The following PARP11 variants were observed in gnomAD, a reference collection of about 807,000 sequenced individuals.
PARP11 encodes the protein protein mono-ADP-ribosyltransferase PARP11.
Under a neutral mutation model 42.9 loss-of-function variants are expected in PARP11, and 31 were observed. The ratio of observed to expected loss-of-function variants is 0.72; its 90% confidence interval spans 0.54 to 0.98. The LOEUF (loss-of-function observed/expected upper bound fraction) is 0.98, where lower values mean the gene tolerates loss of function less well. PARP11 is among the 50% of genes least tolerant of loss of function. The probability of loss-of-function intolerance (pLI) is 0.00; values close to 1 mark genes in which losing one functional copy is unlikely to be tolerated. For synonymous variants in PARP11, 137 were observed against 127.3 expected (o/e 1.08, Z -0.51); for missense variants, 365 against 413.1 (o/e 0.88, Z 1.01).
chr12:3,873,067 G>A (rs1413439485), intron 1 of PARP11, 145 bp downstream of exon 1: 2 of 813,486 alleles, frequency 2.5e-6, no homozygotes, highest in Non-Finnish European at 4.2e-6. Flanking sequence ...ACAGACTACA[G>A]AAGCCAAAAG....
intron 1 of PARP11, among the ~76,000 whole-genome samples, chr12:3,864,798 C>G (rs948261287): frequency 7.9e-5 from 12 of 152,090 alleles, no homozygotes; most frequent in Non-Finnish European, 1.6e-4. Flanking sequence ...TTCTTTTTCT[C>G]CTGATCTGCT....
At chr12:3,851,056 G>C (rs192892292) in intron 1 of PARP11, among the ~76,000 whole-genome samples, 1 of 152,302 alleles carries the variant, frequency 6.6e-6, no homozygotes, top group East Asian at 1.9e-4. Flanking sequence ...CAAAGATCAT[G>C]ATGAACTGAA....
intron 4 of PARP11, among the ~76,000 whole-genome samples, chr12:3,822,477 T>C (rs1167960857): frequency 6.9e-6 from 1 of 145,916 alleles, no homozygotes; most frequent in Non-Finnish European, 1.5e-5. Context: ...CGGGCGCCTG[T>C]AGTCCCAGCT....
At chr12:3,819,966 T>C (rs1411544628) in intron 6 of PARP11, among the ~76,000 whole-genome samples, 2 of 152,190 alleles carry the variant, frequency 1.3e-5, no homozygotes, top group African/African-American at 4.8e-5. Flanking sequence ...CCCTGATGCC[T>C]GAGATGCCCT....
At chr12:3,838,074 AAC>A (rs895280068) in intron 1 of PARP11, among the ~76,000 whole-genome samples, 1 of 149,246 alleles carries the variant, frequency 6.7e-6, no homozygotes, top group African/African-American at 2.5e-5. Context: ...AAAAACAAAA[AAC>A]ACATCAGATT....
chr12:3,872,689 C>A, intron 1 of PARP11: 4 of 985,112 alleles, frequency 4.1e-6, no homozygotes, highest in Non-Finnish European at 4.8e-6. Flanking sequence ...CAAGGGGGTC[C>A]CAATTCCCTT....
intron 1 of PARP11, among the ~76,000 whole-genome samples, chr12:3,847,409 A>T (rs1212771860): frequency 3.3e-5 from 5 of 152,190 alleles, no homozygotes; most frequent in African/African-American, 9.6e-5. Context: ...ACATAGATGC[A>T]AAAATCCTCA....
rs1383402150 is a variant in PARP11, at chr12:3,845,015, T to C, written c.19-14997A>G. ...GGCAAAAGTATAGAACTGAGGATCA[T>C]TTGCATTTTTGAGTTGGAAATTATG... On this transcript the variant is annotated intron_variant, in intron 1 of 7. Coordinates refer to ENST00000228820, the MANE Select transcript of PARP11 (RefSeq NM_020367.6). Among the ~76,000 whole-genome samples the C allele has an allele frequency of 2.6e-5, 4 of 151,876 alleles. No homozygotes were observed. The South Asian group carries it at 6.3e-4, about 24-fold the overall frequency.
At position 3,812,075 on chromosome 12, in the gene PARP11, T is replaced by C; in HGVS notation, c.*48A>G. The C allele has an allele frequency of 7.1e-7, 1 of 1,412,652 alleles. No individual in the cohort carries two copies. Among genetic ancestry groups the C allele is most frequent in the South Asian group, 1.3e-5 (1 of 74,736 alleles). 87.5% of individuals were successfully genotyped at this position (1,412,652 alleles called of 1,614,324 possible). On this transcript the variant is annotated 3_prime_UTR_variant, in exon 8 of 8. Coordinates refer to ENST00000228820, the MANE Select transcript of PARP11 (RefSeq NM_020367.6). ...TAGATGACTGAAGAGCAAACCTTCC[T>C]GCAAAAAAGAATAAAGCTTCCTTGA...
chr12:3,817,193 A>C (rs1045281196), intron 6 of PARP11, among the ~76,000 whole-genome samples: 1 of 151,822 alleles, frequency 6.6e-6, no homozygotes, highest in Non-Finnish European at 1.5e-5. Context: ...TCTGTCTCAA[A>C]AAAAAAAAAA....
At chr12:3,860,310 A>G (rs1467001699) in intron 1 of PARP11, among the ~76,000 whole-genome samples, 1 of 152,188 alleles carries the variant, frequency 6.6e-6, no homozygotes, top group Non-Finnish European at 1.5e-5. Context: ...TTCAGCTGCA[A>G]ATGTGTGCTC....
chr12:3,865,252 T>C (rs1461626058), intron 1 of PARP11, among the ~76,000 whole-genome samples: 1 of 152,170 alleles, frequency 6.6e-6, no homozygotes, highest in Non-Finnish European at 1.5e-5. Context: ...TACTGAGATA[T>C]GTTTTATGGG....
chr12:3,822,391 G>A (rs1307318718), intron 4 of PARP11, among the ~76,000 whole-genome samples: 2 of 150,334 alleles, frequency 1.3e-5, no homozygotes, highest in Non-Finnish European at 2.9e-5. Context: ...GAGGTCAGGA[G>A]ATCGAGACCA....
chr12:3,836,278 C>G (rs971837163), intron 1 of PARP11, among the ~76,000 whole-genome samples: 1 of 151,734 alleles, frequency 6.6e-6, no homozygotes, highest in African/African-American at 2.4e-5. Context: ...TCATCAGAAA[C>G]CCTAGAGGCC....
At chr12:3,835,734 G>A (rs575709403) in intron 1 of PARP11, among the ~76,000 whole-genome samples, 1 of 152,142 alleles carries the variant, frequency 6.6e-6, no homozygotes, top group African/African-American at 2.4e-5. Context: ...GAGTTGAAAA[G>A]TATAGTAAGT....
At chr12:3,822,653 T>C (rs1246012852) in intron 4 of PARP11, among the ~76,000 whole-genome samples, 1 of 151,996 alleles carries the variant, frequency 6.6e-6, no homozygotes, top group African/African-American at 2.4e-5. Context: ...TTTTAGGTGT[T>C]CAATAGTGAA....
intron 1 of PARP11, among the ~76,000 whole-genome samples, chr12:3,852,405 T>C (rs1427966366): frequency 6.6e-6 from 1 of 152,104 alleles, no homozygotes; most frequent in Non-Finnish European, 1.5e-5. Context: ...ATTAGACGAA[T>C]GGCTAACTAG....
intron 1 of PARP11, among the ~76,000 whole-genome samples, chr12:3,855,803 A>G (rs912558891): frequency 3.3e-5 from 5 of 152,228 alleles, no homozygotes; most frequent in African/African-American, 1.2e-4. Context: ...ACCAAAAAAG[A>G]GCCCACATTG....
At position 3,839,766 on chromosome 12, in the gene PARP11, A is replaced by G. The variant is rs926445171; in HGVS notation, c.19-9748T>C. On this transcript the variant is annotated intron_variant, in intron 1 of 7. Coordinates refer to ENST00000228820, the MANE Select transcript of PARP11 (RefSeq NM_020367.6). ...ATCATTATGATATTGTGTATCCCGT[A>G]AAGTATAAAGAAAGCTCTGCTATGT... is the stretch of plus-strand genomic sequence containing the variant. The G allele has an allele frequency of 4.4e-6, 5 of 1,131,308 alleles. No individual in the cohort carries two copies. In the African/African-American group the frequency reaches 4.6e-5, roughly 10 times the overall value. 70.1% of individuals were successfully genotyped at this position (1,131,308 alleles called of 1,614,324 possible). A position where few individuals can be genotyped will look rare whatever the true frequency, so the allele number is the denominator to read the frequency against.
Sources: gnomAD v4.1 joint callset for allele counts (sites outside exome capture counted in the v4.1 genomes callset) on GRCh38, gnomAD v4.1.1 for gene constraint, MANE v1.5 for transcripts, NCBI Gene and HGNC (gene_info 2026-07-23, HGNC 2026-07-21) for gene names.